Variants in GSTZ1 observed in about 807,000 individuals in gnomAD.
GSTZ1 encodes the protein glutathione S-transferase zeta 1, also known as maleylacetoacetate isomerase.
Under a neutral mutation model 35.9 loss-of-function variants are expected in GSTZ1, and 34 were observed. That is an observed-to-expected ratio of 0.95 (90% CI 0.72 to 1.26). The LOEUF is 1.26. Ranked by LOEUF, GSTZ1 falls within the 50% of genes most tolerant of loss-of-function variation. The pLI is 0.00. For missense variants in GSTZ1, 263 were observed against 271.7 expected (o/e 0.97, Z 0.23); for synonymous variants, 93 against 101.2 (o/e 0.92, Z 0.49).
intron 8 of GSTZ1, 86 bp from the exon 9 acceptor site, chr14:77,330,983 C>T: frequency 3.7e-6 from 5 of 1,367,322 alleles, no homozygotes; most frequent in South Asian, 1.3e-5. Context: ...CTCATCCAGC[C>T]CTGCCTCTCT....
Position 77,324,880 on chromosome 14 carries a change from A to T in GSTZ1, c.26A>T (p.Tyr9Phe). 2 of 1,614,052 alleles carry T rather than the reference A, an allele frequency of 1.2e-6. No individual in the cohort carries two copies. The highest frequency in any genetic ancestry group is 2.2e-5 in the South Asian group (2 of 91,080). Residue 9 changes from tyrosine (Y) to phenylalanine (F), a missense_variant, in exon 2 of 9, where the codon TAT (tyrosine) becomes TTT (phenylalanine). Coordinates refer to ENST00000216465, the MANE Select transcript of GSTZ1 (RefSeq NM_145870.3). ...CCTCTCTCTCCTCAGCCCATCCTCT[A>T]TTCCTATTTCCGAAGCTCCTGCTCA... The part of the protein sequence containing the change: MQAGKPIL[Y>F]SYFRSSCSWR...
At chr14:77,323,063 C>T (rs1892111174) in intron 1 of GSTZ1, 1 of 152,186 alleles carries the variant, frequency 6.6e-6, no homozygotes, top group Non-Finnish European at 1.5e-5. Flanking sequence ...ATGCTGGCTC[C>T]CGAAGAAGTA....
At chr14:77,321,464 C>G in intron 1 of GSTZ1, 1 of 1,508,556 alleles carries the variant, frequency 6.6e-7, no homozygotes, top group Non-Finnish European at 8.9e-7. Flanking sequence ...CTCCCTGCTC[C>G]CCATAACAGA....
At chr14:77,322,576 C>T (rs1892078005) in intron 1 of GSTZ1, 1 of 983,642 alleles carries the variant, frequency 1.0e-6, no homozygotes. Flanking sequence ...TCCCTTGGCA[C>T]CAGGAGTCCC....
At position 77,328,654 on chromosome 14, in the gene GSTZ1, C is replaced by T. The variant is rs560292833; in HGVS notation, c.343-469C>T. ...ACATCTCCATTTTATAATGAGGAAA[C>T]AGAGGGAAAATGGCTCCAGGGGTGC... On this transcript the variant is annotated intron_variant, in intron 5 of 8. Transcript: ENST00000216465. The T allele has an allele frequency of 1.1e-3, 197 of 180,980 alleles. 1 individual carries two copies. The highest frequency in any genetic ancestry group is 1.8e-3 in the Non-Finnish European group (151 of 85,732). 11.2% of individuals were successfully genotyped at this position (180,980 alleles called of 1,614,324 possible). A position where few individuals can be genotyped will look rare whatever the true frequency, so the allele number is the denominator to read the frequency against.
chr14:77,324,711 C>A, intron 1 of GSTZ1, 159 bp from the exon 2 acceptor site: 1 of 1,152,056 alleles, frequency 8.7e-7, no homozygotes, highest in Non-Finnish European at 1.3e-6. Flanking sequence ...AGCCAAGGGA[C>A]CTCATGAGCC....
Position 77,327,485 on chromosome 14 carries a change from TC to T in GSTZ1, c.151del (p.Gln51ArgfsTer3), listed in dbSNP as rs1211473008. The T allele has an allele frequency of 2.5e-6, 4 of 1,606,574 alleles. No individual in the cohort carries two copies. Among genetic ancestry groups the T allele is most frequent in the Non-Finnish European group, 3.4e-6 (4 of 1,175,678 alleles). On this transcript the variant is annotated frameshift_variant, in exon 4 of 9. Coordinates refer to ENST00000216465, the MANE Select transcript of GSTZ1 (RefSeq NM_145870.3). LOFTEE classifies it high-confidence loss of function. ...KDGGQQFSKDFQALNPMKQVP... is the reference protein window; with the variant it reads ...KDGGQQFSKDXQALNPMKQVP... ...TTGTCTCCACAGTTTTCTAAGGACT[TC>T]CAGGCACTGAATCCTATGAAGCAGG...
chr14:77,326,665 T>C (rs527605609), intron 2 of GSTZ1, 173 bp from the exon 3 acceptor site: 1 of 584,346 alleles, frequency 1.7e-6, no homozygotes, highest in Non-Finnish European at 3.1e-6. Context: ...AGGGAGCACG[T>C]GGTGACAAGG....
intron 3 of GSTZ1, 49 bp downstream of exon 3, chr14:77,326,954 C>A: frequency 7.9e-7 from 1 of 1,267,118 alleles, no homozygotes; most frequent in Non-Finnish European, 1.1e-6. Context: ...AGGCCTTGAA[C>A]AGGCACCAGG....
chr14:77,325,113 G>C (rs2139569488), intron 2 of GSTZ1, 192 bp downstream of exon 2: 1 of 606,582 alleles, frequency 1.6e-6, no homozygotes, highest in African/African-American at 1.8e-5. Context: ...CACAGGGTGA[G>C]GGTGGGAGGA....
At chr14:77,322,175 C>G (rs1271996813) in intron 1 of GSTZ1, among the ~76,000 whole-genome samples, 1 of 152,148 alleles carries the variant, frequency 6.6e-6, no homozygotes, top group Non-Finnish European at 1.5e-5. Flanking sequence ...TTTTAGGAGT[C>G]TTTTTCTCAA....
intron 2 of GSTZ1, chr14:77,325,466 T>C (rs1892271967): frequency 6.3e-6 from 1 of 157,536 alleles, no homozygotes; most frequent in Admixed American, 6.0e-5. Context: ...GTGTGCCTGA[T>C]TCCATTTAAA....
In GSTZ1 at chr14:77,329,804, C is replaced by T. The variant is rs548824550; in HGVS notation, c.471C>T (p.Asp157=). 1.9e-5 allele frequency: 30 copies of T among 1,612,528 alleles called. No homozygotes were observed. The highest frequency in any genetic ancestry group is 7.7e-5 in the South Asian group (7 of 91,050). ...CAGCGGGCATATACTGTGTAGGAGA[C>T]GAGGTAAGCTGTCCCCAGACCTCCC... is the stretch of plus-strand genomic sequence containing the variant. ...QSTAGIYCVG[D]EVTMADLCLV... is the part of the protein sequence containing the mutation. Residue 157 remains aspartate, a synonymous_variant, in exon 7 of 9, where the codon GAC becomes GAT. Transcript: ENST00000216465.
chr14:77,321,338 G>GCGCTGCC (rs1375680032), intron 1 of GSTZ1, 155 bp downstream of exon 1: 9 of 1,534,536 alleles, frequency 5.9e-6, no homozygotes, highest in Admixed American at 3.9e-5. Flanking sequence ...TGCGTGCTGC[G>GCGCTGCC]CGCTGCCCGC....
chr14:77,329,581 G>A, intron 6 of GSTZ1, 174 bp from the exon 7 acceptor site: 1 of 625,930 alleles, frequency 1.6e-6, no homozygotes. Flanking sequence ...TCAGGAAACA[G>A]CAGCTCATCC....
chr14:77,321,345 C>G (rs375248787), intron 1 of GSTZ1, 162 bp downstream of exon 1: 2 of 1,533,690 alleles, frequency 1.3e-6, no homozygotes, highest in East Asian at 2.5e-5. Flanking sequence ...TGCGCGCTGC[C>G]CGCTGGGGCT....
chr14:77,328,836 A>C, intron 5 of GSTZ1: 5 of 451,112 alleles, frequency 1.1e-5, no homozygotes, highest in East Asian at 4.2e-5. Flanking sequence ...TGCCACAGCC[A>C]TGGCCGCGTC....
chr14:77,329,660 G>A lies in GSTZ1; in HGVS notation c.422-95G>A, dbSNP rs143011468. 26 of 915,828 alleles carry A rather than the reference G, an allele frequency of 2.8e-5. No homozygotes were observed. In the African/African-American group the frequency reaches 3.6e-4, roughly 13 times the overall value. The allele number at this position is 915,828 out of a possible 1,614,324, so 56.7% of individuals were successfully genotyped here. On this transcript the variant is annotated intron_variant, in intron 6 of 8. Coordinates refer to ENST00000216465, the MANE Select transcript of GSTZ1 (RefSeq NM_145870.3). ...GCCATGCCCAGTCTGTCACTCAGTT[G>A]GGCGCCCATTTCATAACTATGGAGG...
At position 77,326,852 on chromosome 14, in the gene GSTZ1, G is replaced by A. The variant is rs928617903; in HGVS notation, c.82G>A (p.Gly28Ser). The A allele has an allele frequency of 1.2e-5, 19 of 1,606,692 alleles. No homozygotes were observed. Among genetic ancestry groups the A allele is most frequent in the Non-Finnish European group, 1.6e-5 (19 of 1,175,884 alleles). ...GTCTCTCCTAGCTCTGGCCTTGAAA[G>A]GCATCGACTACGAGACGGTGCCCAT... ...WRVRIALALKGIDYETVPINL... is the reference protein window; with the variant it reads ...WRVRIALALKSIDYETVPINL... The change falls in exon 3 of 9, where the codon GGC becomes AGC. Residue 28 changes from glycine (G) to serine (S), a missense_variant. By Grantham distance (56) the Gly-to-Ser change is moderately conservative (BLOSUM62 0). Transcript: ENST00000216465.
Sources: allele counts gnomAD v4.1 joint callset (sites outside exome capture counted in the v4.1 genomes callset), GRCh38; gene constraint gnomAD v4.1.1; transcripts MANE v1.5; gene names NCBI Gene and HGNC (gene_info 2026-07-23, HGNC 2026-07-21).